JARID2: variants seen among roughly 807,000 people sequenced by gnomAD.
JARID2 encodes the protein jumonji and AT-rich interaction domain containing 2, also known as protein Jumonji.
A neutral mutation model predicts 125.6 loss-of-function variants in JARID2; 21 were observed. That is an observed-to-expected ratio of 0.17 (90% CI 0.12 to 0.24). The LOEUF (loss-of-function observed/expected upper bound fraction) is 0.24, where lower values mean the gene tolerates loss of function less well. Among genes scored for constraint, JARID2 ranks in the 10% least tolerant of loss-of-function variants. The pLI is 1.00. For synonymous variants in JARID2, 736 were observed against 661.6 expected, an observed-to-expected ratio of 1.11 and a Z score of -1.73; for missense variants, 1,303 against 1,639.6, an observed-to-expected ratio of 0.79 and a Z score of 3.55.
chr6:15,362,172 G>A (rs1462492073), intron 1 of JARID2, among the ~76,000 whole-genome samples: 2 of 151,902 alleles, frequency 1.3e-5, no homozygotes, highest in African/African-American at 4.8e-5. Context: ...ACAGACATGA[G>A]CTGCCCCACC....
chr6:15,485,756 C>T (rs1769835893), intron 5 of JARID2, among the ~76,000 whole-genome samples: 1 of 151,988 alleles, frequency 6.6e-6, no homozygotes, highest in South Asian at 2.1e-4. Context: ...AAGTAAACGG[C>T]AAAAGAGGAC....
intron 3 of JARID2, among the ~76,000 whole-genome samples, chr6:15,440,359 G>GA (rs906142475): frequency 5.9e-5 from 9 of 152,198 alleles, no homozygotes; most frequent in African/African-American, 2.2e-4. Context: ...TGGTTATTAA[G>GA]ATTGTAATCG....
intron 2 of JARID2, among the ~76,000 whole-genome samples, chr6:15,391,843 C>T (rs1287167348): frequency 6.6e-6 from 1 of 152,126 alleles, no homozygotes; most frequent in African/African-American, 2.4e-5. Flanking sequence ...TGGTGAGTGG[C>T]TTTGGGGTGT....
At chr6:15,368,440 T>C (rs958077905) in intron 1 of JARID2, among the ~76,000 whole-genome samples, 1 of 152,308 alleles carries the variant, frequency 6.6e-6, no homozygotes, top group African/African-American at 2.4e-5. Context: ...TGCAAACTCA[T>C]GAGATCCTGC....
intron 1 of JARID2, among the ~76,000 whole-genome samples, chr6:15,330,629 G>A (rs965965220): frequency 6.6e-6 from 1 of 152,178 alleles, no homozygotes; most frequent in African/African-American, 2.4e-5. Context: ...AAAGCATAGA[G>A]TGTAAATTAG....
At chr6:15,284,074 G>A (rs866231384) in intron 1 of JARID2, among the ~76,000 whole-genome samples, 1 of 152,072 alleles carries the variant, frequency 6.6e-6, no homozygotes, top group Non-Finnish European at 1.5e-5. Context: ...GTTCAGTTTG[G>A]TTTTCTTTTA....
intron 1 of JARID2, among the ~76,000 whole-genome samples, chr6:15,258,731 G>A (rs962237189): frequency 1.3e-5 from 2 of 152,264 alleles, no homozygotes; most frequent in Middle Eastern, 3.4e-3. Context: ...GCAGTGAGCC[G>A]AGATTGCGCC....
At chr6:15,318,096 G>A (rs955945091) in intron 1 of JARID2, among the ~76,000 whole-genome samples, 2 of 152,232 alleles carry the variant, frequency 1.3e-5, no homozygotes, top group African/African-American at 2.4e-5. Context: ...TGTAGTCCCA[G>A]CTACTGGGGA....
intron 1 of JARID2, among the ~76,000 whole-genome samples, chr6:15,325,354 T>TC (rs1183133143): frequency 1.3e-5 from 2 of 152,144 alleles, no homozygotes; most frequent in African/African-American, 2.4e-5. Flanking sequence ...ATCCTTTTTT[T>TC]CCCCCTATTT....
intron 5 of JARID2, among the ~76,000 whole-genome samples, chr6:15,485,625 C>A (rs573679536): frequency 6.6e-6 from 1 of 150,430 alleles, no homozygotes; most frequent in Non-Finnish European, 1.5e-5. Context: ...ATACTGTAAA[C>A]GTACCATTTT....
In JARID2 at chr6:15,460,089, C is replaced by A. The variant is rs1768371904; in HGVS notation, c.493+7914C>A. On this transcript the variant is annotated intron_variant, in intron 4 of 17. Coordinates refer to ENST00000341776, the MANE Select transcript of JARID2 (RefSeq NM_004973.4). ...TCACTGCCTAGGGGCTTTCAGTGGC[C>A]TTAACGTTCTGCATATGCTTGGTTT... 2.6e-5 allele frequency among the ~76,000 whole-genome samples: 4 copies of A among 152,236 alleles called. No individual in the cohort carries two copies. In the South Asian group the frequency reaches 8.3e-4, roughly 32 times the overall value.
chr6:15,519,745 C>T (rs1581679687), intron 17 of JARID2, among the ~76,000 whole-genome samples: 1 of 152,120 alleles, frequency 6.6e-6, no homozygotes, highest in African/African-American at 2.4e-5. Flanking sequence ...GTAACAAAGC[C>T]CCTGGGTCTC....
intron 1 of JARID2, among the ~76,000 whole-genome samples, chr6:15,343,301 A>AG (rs1011041251): frequency 2.0e-5 from 3 of 152,046 alleles, no homozygotes; most frequent in African/African-American, 7.2e-5. Flanking sequence ...AAAAAAAAAA[A>AG]AAAGCTCATG....
intron 2 of JARID2, among the ~76,000 whole-genome samples, chr6:15,377,412 A>T (rs1463175187): frequency 6.6e-6 from 1 of 152,140 alleles, no homozygotes; most frequent in African/African-American, 2.4e-5. Flanking sequence ...GAATGCTGGG[A>T]GATACAATTC....
intron 3 of JARID2, among the ~76,000 whole-genome samples, chr6:15,422,988 T>TA (rs933800177): frequency 1.5e-4 from 22 of 147,664 alleles, no homozygotes; most frequent in Non-Finnish European, 2.2e-4. Context: ...GCCTAGTCTT[T>TA]TTTTTTTTTT....
chr6:15,398,901 A>G (rs1765316188), intron 2 of JARID2, among the ~76,000 whole-genome samples: 1 of 152,108 alleles, frequency 6.6e-6, no homozygotes, highest in Non-Finnish European at 1.5e-5. Flanking sequence ...CGGCGTTTCT[A>G]CTTTTCTTAC....
intron 1 of JARID2, among the ~76,000 whole-genome samples, chr6:15,331,412 C>T (rs1002623292): frequency 2.0e-5 from 3 of 151,566 alleles, no homozygotes; most frequent in Non-Finnish European, 4.4e-5. Flanking sequence ...GAAAGAGTGC[C>T]CTTAGAAGTA....
At chr6:15,455,062 T>G (rs1768095301) in intron 4 of JARID2, among the ~76,000 whole-genome samples, 3 of 152,094 alleles carry the variant, frequency 2.0e-5, no homozygotes, top group Admixed American at 2.0e-4. Flanking sequence ...CCGCGCTTGG[T>G]TGTGCCGTCT....
chr6:15,333,095 G>T lies in JARID2; in HGVS notation c.46-41022G>T, dbSNP rs550005034. Among the ~76,000 whole-genome samples the T allele has an allele frequency of 1.9e-3, 289 of 151,828 alleles. 2 individuals are homozygous for T. Among genetic ancestry groups the T allele is most frequent in the African/African-American group, 6.6e-3 (272 of 41,382 alleles). ...CTACAGGCGCCCACCACCAGGCCCGGCTAATTTTTTGTATTTTTAGTAGAG... is the reference window on the plus strand; with the variant it reads ...CTACAGGCGCCCACCACCAGGCCCGTCTAATTTTTTGTATTTTTAGTAGAG... On this transcript the variant is annotated intron_variant, in intron 1 of 17. Transcript: ENST00000341776.
Sources: allele counts gnomAD v4.1 joint callset (sites outside exome capture counted in the v4.1 genomes callset), GRCh38; gene constraint gnomAD v4.1.1; transcripts MANE v1.5; gene names NCBI Gene and HGNC (gene_info 2026-07-23, HGNC 2026-07-21).